RARB: variants seen among roughly 807,000 people sequenced by gnomAD.
The protein encoded by RARB is HBV-activated protein.
In RARB, 17 loss-of-function variants were observed where a neutral mutation model predicts 51.9. The ratio of observed to expected loss-of-function variants is 0.33; its 90% CI spans 0.22 to 0.49. The LOEUF (loss-of-function observed/expected upper bound fraction) is 0.49, where lower values mean the gene tolerates loss of function less well. RARB is among the 20% of genes least tolerant of loss of function. The pLI is 0.99. For missense variants in RARB, 369 were observed against 550.8 expected, an observed-to-expected ratio of 0.67 and a Z score of 3.30; for synonymous variants, 215 against 195.4, an observed-to-expected ratio of 1.10 and a Z score of -0.84.
intron 4 of RARB, among the ~76,000 whole-genome samples, chr3:25,154,374 C>A (rs1290249574): frequency 6.6e-6 from 1 of 152,174 alleles, no homozygotes; most frequent in East Asian, 1.9e-4. Flanking sequence ...TGTTGACTCT[C>A]CTTTAATCCC....
chr3:24,925,748 C>G (rs535282605), intron 2 of RARB, among the ~76,000 whole-genome samples: 8 of 148,854 alleles, frequency 5.4e-5, no homozygotes, highest in Non-Finnish European at 1.2e-4. Context: ...AGATATCTTT[C>G]TTAGAATTTT....
intron 3 of RARB, among the ~76,000 whole-genome samples, chr3:25,083,095 T>C (rs1290850928): frequency 1.3e-5 from 2 of 151,838 alleles, no homozygotes; most frequent in African/African-American, 4.8e-5. Flanking sequence ...TTAGACTTTT[T>C]ATCTTTTAGC....
intron 2 of RARB, among the ~76,000 whole-genome samples, chr3:25,004,984 C>A (rs1403184416): frequency 6.6e-6 from 1 of 152,104 alleles, no homozygotes; most frequent in South Asian, 2.1e-4. Context: ...TTTTGCTAGT[C>A]TTGTAGTCAT....
At chr3:25,022,190 A>C (rs887798741) in intron 2 of RARB, among the ~76,000 whole-genome samples, 1 of 152,214 alleles carries the variant, frequency 6.6e-6, no homozygotes, top group African/African-American at 2.4e-5. Context: ...CAACTCAATA[A>C]ATTTTCACAA....
chr3:25,299,807 T>C (rs889829587), intron 5 of RARB, among the ~76,000 whole-genome samples: 3 of 152,194 alleles, frequency 2.0e-5, no homozygotes, highest in African/African-American at 7.2e-5. Flanking sequence ...CTGTAGGAAG[T>C]TAAAGACTAG....
At chr3:25,354,416 C>G (rs1705668624) in intron 5 of RARB, among the ~76,000 whole-genome samples, 1 of 152,044 alleles carries the variant, frequency 6.6e-6, no homozygotes, top group Non-Finnish European at 1.5e-5. Flanking sequence ...GTGGTCTGTT[C>G]TTCTCGTTTC....
Position 25,226,215 on chromosome 3 carries a change from T to G in RARB, c.178+51640T>G, listed in dbSNP as rs541057622. On this transcript the variant is annotated intron_variant, in intron 5 of 11. Coordinates refer to the RARB transcript ENST00000383772. ...GAGTTAGAAATATTTTCAATTAGACTTCATGTTTACTCTATGAAATGAGGC... is the reference window on the plus strand; with the variant it reads ...GAGTTAGAAATATTTTCAATTAGACGTCATGTTTACTCTATGAAATGAGGC... Among the ~76,000 whole-genome samples, 222 of 152,340 alleles carry G rather than the reference T, an allele frequency of 1.5e-3. 1 individual carries two copies. The highest frequency in any genetic ancestry group is 5.3e-3 in the African/African-American group (219 of 41,580).
At chr3:25,455,205 C>T (rs1694846635) in intron 1 of RARB, among the ~76,000 whole-genome samples, 1 of 152,120 alleles carries the variant, frequency 6.6e-6, no homozygotes, top group Non-Finnish European at 1.5e-5. Flanking sequence ...AATTTTATGT[C>T]CATTAAATCT....
At chr3:24,830,420 C>CGTGT (rs59434163) in intron 1 of RARB, among the ~76,000 whole-genome samples, 40 of 121,510 alleles carry the variant, frequency 3.3e-4, no homozygotes, top group East Asian at 2.2e-3. Flanking sequence ...TGACAGAAGA[C>CGTGT]GTGTGTGTGT....
At chr3:25,549,171 T>C (rs531962639) in intron 3 of RARB, among the ~76,000 whole-genome samples, 1 of 152,134 alleles carries the variant, frequency 6.6e-6, no homozygotes, top group African/African-American at 2.4e-5. Flanking sequence ...TTTTGTCCCA[T>C]GTTCTTGGTG....
chr3:25,416,551 G>T (rs983267590), intron 5 of RARB, among the ~76,000 whole-genome samples: 1 of 152,180 alleles, frequency 6.6e-6, no homozygotes, highest in African/African-American at 2.4e-5. Context: ...CAGTCAGCAA[G>T]TTTTTTTCTC....
At chr3:25,022,355 C>G (rs1697655961) in intron 2 of RARB, among the ~76,000 whole-genome samples, 1 of 152,048 alleles carries the variant, frequency 6.6e-6, no homozygotes, top group African/African-American at 2.4e-5. Context: ...TGTGTGTTGA[C>G]TTTCTTTGCT....
chr3:25,109,028 C>T lies in RARB; in HGVS notation c.-327-23133C>T, dbSNP rs73047722. ...CTGCATTGCCACACACCAATGATAA[C>T]ATCTTGGATGTGATACCTAGCCTTT... On this transcript the variant is annotated intron_variant, in intron 3 of 11. Transcript: ENST00000383772. 7.9e-3 allele frequency among the ~76,000 whole-genome samples: 1,204 copies of T among 152,202 alleles called. 4 individuals carry two copies. Among genetic ancestry groups the T allele is most frequent in the Middle Eastern group, 0.024 (7 of 292 alleles).
intron 5 of RARB, among the ~76,000 whole-genome samples, chr3:25,236,125 T>A (rs944435252): frequency 3.9e-5 from 6 of 152,180 alleles, no homozygotes; most frequent in Non-Finnish European, 2.9e-5. Context: ...GATTCATTCA[T>A]GATGTAGTTA....
At chr3:25,483,472 T>TCTAGACC (rs1696325934) in intron 2 of RARB, among the ~76,000 whole-genome samples, 1 of 151,792 alleles carries the variant, frequency 6.6e-6, no homozygotes, top group South Asian at 2.1e-4. Context: ...CTTCTTGACC[T>TCTAGACC]CTAGACCCTG....
chr3:24,971,021 A>G (rs1246703846), intron 2 of RARB, among the ~76,000 whole-genome samples: 1 of 152,008 alleles, frequency 6.6e-6, no homozygotes, highest in African/African-American at 2.4e-5. Flanking sequence ...TCATCGTTCT[A>G]GTATTCCAAT....
At chr3:25,091,128 G>A (rs982463587) in intron 3 of RARB, among the ~76,000 whole-genome samples, 6 of 152,126 alleles carry the variant, frequency 3.9e-5, no homozygotes, top group Admixed American at 1.3e-4. Context: ...CCTATTTAAG[G>A]ATCTTTATAG....
chr3:25,076,909 A>G (rs921979543), intron 3 of RARB, among the ~76,000 whole-genome samples: 1 of 152,218 alleles, frequency 6.6e-6, no homozygotes, highest in African/African-American at 2.4e-5. Context: ...TGGGATTTCT[A>G]GGACAAATCT....
At chr3:25,122,285 G>A (rs1167578974) in intron 3 of RARB, among the ~76,000 whole-genome samples, 1 of 151,998 alleles carries the variant, frequency 6.6e-6, no homozygotes, top group African/African-American at 2.4e-5. Context: ...AATTGTATTA[G>A]TAATGATTAA....
Sources: gnomAD v4.1 joint callset for allele counts (sites outside exome capture counted in the v4.1 genomes callset) on GRCh38, gnomAD v4.1.1 for gene constraint, MANE v1.5 for transcripts, NCBI Gene and HGNC (gene_info 2026-07-23, HGNC 2026-07-21) for gene names.